YBEY: variants seen among roughly 807,000 people sequenced by gnomAD.
YBEY encodes ybeY metalloendoribonuclease.
Under a neutral mutation model 13.5 loss-of-function variants are expected in YBEY, and 15 were observed. The observed-to-expected ratio is 1.11, with a 90% CI of 0.75 to 1.72. YBEY has a LOEUF of 1.72. Ranked by LOEUF, YBEY falls within the 40% of genes most tolerant of loss-of-function variation. The pLI, the probability that YBEY is intolerant of heterozygous loss-of-function variation, is 0.00. For missense variants in YBEY, 244 were observed against 208.4 expected (o/e 1.17, Z -1.05); for synonymous variants, 101 against 83.1 (o/e 1.21, Z -1.17).
chr21:46,298,481 T>G (rs74851177), downstream of YBEY, among the ~76,000 whole-genome samples: 5 of 137,418 alleles, frequency 3.6e-5, no homozygotes, highest in South Asian at 1.2e-3. Flanking sequence ...CAGGCTGGAG[T>G]GCAGTGGTGC....
At chr21:46,310,196 G>A in the YBEY span, among the ~76,000 whole-genome samples, 1 of 152,026 alleles carries the variant, frequency 6.6e-6, no homozygotes, top group Non-Finnish European at 1.5e-5. Context: ...AACTTGTCAA[G>A]CCAGGTGTGG....
At chr21:46,289,410 C>T (rs1328157771) in intron 2 of YBEY, among the ~76,000 whole-genome samples, 3 of 150,602 alleles carry the variant, frequency 2.0e-5, no homozygotes, top group East Asian at 1.9e-4. Flanking sequence ...TGTGGATATT[C>T]GCATATTCAG....
intron 2 of YBEY, among the ~76,000 whole-genome samples, chr21:46,288,939 G>A (rs894931954): frequency 1.3e-5 from 2 of 152,014 alleles, no homozygotes; most frequent in East Asian, 1.9e-4. Flanking sequence ...TGAGAGGATC[G>A]CCTGAGCTCA....
intron 3 of YBEY, among the ~76,000 whole-genome samples, chr21:46,295,491 T>TCCTCCTCCTCCTCTTCCC (rs1429787263): frequency 1.3e-5 from 2 of 151,454 alleles, no homozygotes; most frequent in African/African-American, 4.9e-5. Flanking sequence ...CTCCTCTTCC[T>TCCTCCTCCTCCTCTTCCC]CCTCCTCCTC....
At chr21:46,292,499 T>C (rs922469585) in intron 3 of YBEY, among the ~76,000 whole-genome samples, 3 of 151,954 alleles carry the variant, frequency 2.0e-5, no homozygotes, top group Admixed American at 1.3e-4. Context: ...AAACTCTAGA[T>C]TAAATTCCTC....
the YBEY span, among the ~76,000 whole-genome samples, chr21:46,306,069 CAAAA>C: frequency 4.9e-5 from 6 of 122,436 alleles, no homozygotes; most frequent in Non-Finnish European, 1.7e-5. Context: ...CACTGTGACT[CAAAA>C]AAAAAAAAAA....
At chr21:46,288,611 G>A (rs1268838240) in intron 2 of YBEY, among the ~76,000 whole-genome samples, 4 of 152,028 alleles carry the variant, frequency 2.6e-5, no homozygotes, top group South Asian at 2.1e-4. Flanking sequence ...CCAGGAAGTC[G>A]GAGGTTGCAG....
At chr21:46,310,505 A>C in the YBEY span, among the ~76,000 whole-genome samples, 2 of 151,730 alleles carry the variant, frequency 1.3e-5, no homozygotes, top group African/African-American at 2.4e-5. Flanking sequence ...AATAAAAAAA[A>C]AAAACAAAAC....
At chr21:46,308,401 C>T in the YBEY span, among the ~76,000 whole-genome samples, 9 of 151,840 alleles carry the variant, frequency 5.9e-5, no homozygotes, top group Admixed American at 5.9e-4. Flanking sequence ...GCAGAGGCCG[C>T]GGTGAGCCGG....
At chr21:46,312,846 G>A in the YBEY span, among the ~76,000 whole-genome samples, 1 of 152,178 alleles carries the variant, frequency 6.6e-6, no homozygotes, top group Non-Finnish European at 1.5e-5. Context: ...CTCTATCCCA[G>A]CCCCCATAAC....
At chr21:46,311,166 G>A in the YBEY span, among the ~76,000 whole-genome samples, 1 of 151,962 alleles carries the variant, frequency 6.6e-6, no homozygotes, top group East Asian at 1.9e-4. Context: ...CACCGAGCCG[G>A]GCCCTAAAAA....
chr21:46,298,581 C>T (rs2145856459), downstream of YBEY, among the ~76,000 whole-genome samples: 1 of 151,838 alleles, frequency 6.6e-6, no homozygotes, highest in South Asian at 2.1e-4. Context: ...AGGCGCCCGC[C>T]ACCTCGCCCG....
chr21:46,309,996 AAAAAT>A, the YBEY span, among the ~76,000 whole-genome samples: 3 of 152,080 alleles, frequency 2.0e-5, no homozygotes, highest in South Asian at 2.1e-4. Context: ...ACTCTGTCTC[AAAAAT>A]AAAATAAAAT....
In YBEY at chr21:46,289,253, G is replaced by A. The variant is rs548867032; in HGVS notation, c.211-2081G>A. ...AACTCTGTAGAAGTTGTGGATCTGC[G>A]TGATTCTGCATTGGGAGGGATGAAA... On this transcript the variant is annotated intron_variant, in intron 2 of 4. Transcript: ENST00000397701. Among the ~76,000 whole-genome samples the A allele has an allele frequency of 4.6e-5, 7 of 152,240 alleles. No homozygotes were observed. In the East Asian group the frequency reaches 5.8e-4, roughly 13 times the overall value.
chr21:46,293,592 G>A (rs368393025), intron 3 of YBEY, among the ~76,000 whole-genome samples: 24 of 8,902 alleles, frequency 2.7e-3, no homozygotes, highest in Non-Finnish European at 3.2e-3. Context: ...AGTCAGCCAC[G>A]CAAGTTAGAC....
Position 46,292,397 on chromosome 21 carries a change from G to T in YBEY, c.339+935G>T, listed in dbSNP as rs1601588396. 6.6e-5 allele frequency among the ~76,000 whole-genome samples: 10 copies of T among 152,322 alleles called. No individual in the cohort carries two copies. The South Asian group carries it at 2.1e-3, about 32-fold the overall frequency. ...CCCCTCCCATCATCCTAATCTTGTG[G>T]CCCTTCACAAGCTTCACAGAGGTGG... On this transcript the variant is annotated intron_variant, in intron 3 of 4. Transcript: ENST00000397701.
chr21:46,313,115 G>A, the YBEY span: 1 of 951,462 alleles, frequency 1.1e-6, no homozygotes, highest in Non-Finnish European at 1.3e-6. Flanking sequence ...AGCTTCCAAA[G>A]CAGGACACAC....
intron 2 of YBEY, among the ~76,000 whole-genome samples, chr21:46,288,443 C>G (rs943032596): frequency 1.3e-5 from 2 of 151,548 alleles, no homozygotes; most frequent in Admixed American, 1.3e-4. Context: ...TTTGGGAGGC[C>G]GAGGTGGGTG....
At chr21:46,296,286 C>T (rs951384398) in intron 4 of YBEY, 56 bp downstream of exon 4, 8 of 1,602,380 alleles carry the variant, frequency 5.0e-6, no homozygotes, top group Admixed American at 1.7e-5. Flanking sequence ...GGAGGCTCCC[C>T]CAGGCCCCTG....
Sources: gnomAD v4.1 joint callset for allele counts (sites outside exome capture counted in the v4.1 genomes callset) on GRCh38, gnomAD v4.1.1 for gene constraint, MANE v1.5 for transcripts, NCBI Gene and HGNC (gene_info 2026-07-23, HGNC 2026-07-21) for gene names.